The following CORO2B variants were observed in gnomAD, a reference collection of about 807,000 sequenced individuals.
CORO2B encodes the protein coronin 2B.
CORO2B carries 26 observed loss-of-function variants against 58.8 expected under a neutral mutation model. That is an observed-to-expected ratio of 0.44 (90% confidence interval 0.32 to 0.61). The LOEUF (loss-of-function observed/expected upper bound fraction) is 0.61. Ranked by LOEUF, CORO2B falls within the 20% of genes least tolerant of loss-of-function variation. The pLI, the probability that CORO2B is intolerant of heterozygous loss-of-function variation, is 0.04. For missense variants in CORO2B, 460 were observed against 645.1 expected, an observed-to-expected ratio of 0.71 and a Z score of 3.11; for synonymous variants, 242 against 253.8, an observed-to-expected ratio of 0.95 and a Z score of 0.44.
the CORO2B span, among the ~76,000 whole-genome samples, chr15:68,552,103 A>C: frequency 1.3e-5 from 2 of 152,176 alleles, no homozygotes; most frequent in African/African-American, 4.8e-5. Context: ...AGGACCAAGG[A>C]GGGGAAGCTG....
chr15:68,614,012 A>G (rs1038863197), intron 1 of CORO2B, among the ~76,000 whole-genome samples: 1 of 152,180 alleles, frequency 6.6e-6, no homozygotes, highest in Non-Finnish European at 1.5e-5. Flanking sequence ...TAATTTTTCA[A>G]TCATCACCGT....
intron 1 of CORO2B, among the ~76,000 whole-genome samples, chr15:68,608,528 G>A (rs118088130): frequency 2.1e-4 from 32 of 152,332 alleles, no homozygotes; most frequent in East Asian, 7.7e-4. Flanking sequence ...GTGTGCACGC[G>A]TGCGTGTGTG....
At chr15:68,538,043 C>A in the CORO2B span, among the ~76,000 whole-genome samples, 2 of 152,194 alleles carry the variant, frequency 1.3e-5, no homozygotes, top group African/African-American at 4.8e-5. Flanking sequence ...ATCCAAGTAG[C>A]AAAGTCACAC....
rs1247502289 is a variant in CORO2B, at chr15:68,579,036, T to C, written c.-227T>C. ...TGCGGCGAAGGAGGCTCATCTATTA[T>C]AAATGCACATTCGGGGCTGACATCA... is the stretch of plus-strand genomic sequence containing the variant. On this transcript the variant is annotated 5_prime_UTR_variant, in exon 1 of 12. Transcript: ENST00000261861. 1 of 984,360 alleles carries C rather than the reference T, an allele frequency of 1.0e-6. No individual in the cohort carries two copies. Among genetic ancestry groups the C allele is most frequent in the African/African-American group, 1.8e-5 (1 of 57,050 alleles). 61.0% of individuals were successfully genotyped at this position (984,360 alleles called of 1,614,324 possible). A position where few individuals can be genotyped will look rare whatever the true frequency, so the allele number is the denominator to read the frequency against.
chr15:68,599,795 C>T (rs1899935664), intron 1 of CORO2B, among the ~76,000 whole-genome samples: 1 of 152,226 alleles, frequency 6.6e-6, no homozygotes, highest in Admixed American at 6.5e-5. Flanking sequence ...ATCCGGGTCT[C>T]ATTATGCTGT....
chr15:68,623,517 A>G (rs1161264036), intron 1 of CORO2B, among the ~76,000 whole-genome samples: 1 of 137,528 alleles, frequency 7.3e-6, no homozygotes, highest in Non-Finnish European at 1.6e-5. Flanking sequence ...CCAAAGAGCC[A>G]GAAGTGAGTG....
chr15:68,687,033 A>G (rs1903006627), intron 2 of CORO2B, among the ~76,000 whole-genome samples: 1 of 152,224 alleles, frequency 6.6e-6, no homozygotes, highest in African/African-American at 2.4e-5. Context: ...GCCATCTCAC[A>G]TCTTTCTCAT....
In CORO2B at chr15:68,723,063, G is replaced by A. The variant is rs181116791; in HGVS notation, c.1312-2780G>A. On this transcript the variant is annotated intron_variant, in intron 11 of 11. Coordinates refer to ENST00000261861, the MANE Select transcript of CORO2B (RefSeq NM_006091.5). ...GCCTGGGCAACAAGAGTGAAACTCC[G>A]TCTCAAAAAAACAAAAACAAAAGGA... Among the ~76,000 whole-genome samples, 303 of 147,994 alleles carry A rather than the reference G, an allele frequency of 2.0e-3. 1 individual carries two copies. Among genetic ancestry groups the A allele is most frequent in the South Asian group, 0.011 (52 of 4,556 alleles).
upstream of CORO2B, among the ~76,000 whole-genome samples, chr15:68,575,851 G>A (rs1048682500): frequency 2.6e-5 from 4 of 151,058 alleles, no homozygotes; most frequent in African/African-American, 9.7e-5. Flanking sequence ...GTTAACAATC[G>A]CACATATAAA....
intron 2 of CORO2B, among the ~76,000 whole-genome samples, chr15:68,688,276 G>A (rs1463074191): frequency 6.6e-6 from 1 of 152,122 alleles, no homozygotes; most frequent in Non-Finnish European, 1.5e-5. Flanking sequence ...CTATTCAGAT[G>A]TTGTCACTAT....
the CORO2B span, among the ~76,000 whole-genome samples, chr15:68,551,291 C>T: frequency 6.6e-6 from 1 of 152,180 alleles, no homozygotes; most frequent in East Asian, 1.9e-4. Context: ...TACCTCACCC[C>T]TAACTCTCAA....
intron 1 of CORO2B, among the ~76,000 whole-genome samples, chr15:68,600,570 A>G (rs1183218701): frequency 6.6e-6 from 1 of 152,070 alleles, no homozygotes; most frequent in Non-Finnish European, 1.5e-5. Context: ...CCACCCCCGG[A>G]CCCAGGCTGG....
chr15:68,589,081 A>T (rs1265868970), intron 1 of CORO2B, among the ~76,000 whole-genome samples: 3 of 152,202 alleles, frequency 2.0e-5, no homozygotes, highest in African/African-American at 7.2e-5. Context: ...AACTCAAGTT[A>T]TTATGGATTG....
chr15:68,626,836 G>A (rs911233415), intron 1 of CORO2B, among the ~76,000 whole-genome samples: 1 of 152,186 alleles, frequency 6.6e-6, no homozygotes, highest in African/African-American at 2.4e-5. Flanking sequence ...CTGGTCAGAG[G>A]CTGGGGCCCC....
In CORO2B at chr15:68,645,877, G is replaced by A. The variant is rs1001532915; in HGVS notation, c.216+517G>A. On this transcript the variant is annotated intron_variant, in intron 2 of 11. Coordinates refer to ENST00000261861, the MANE Select transcript of CORO2B (RefSeq NM_006091.5). The surrounding 1 kb of genome is among the most constrained non-coding windows in gnomAD (Gnocchi z 4.5). ...CAACCTCTGCCTCCCAGGTTCAAGC[G>A]ATTCTCCTGCCTCAGCCTCCCGAGA... Among the ~76,000 whole-genome samples the A allele has an allele frequency of 2.0e-5, 3 of 151,978 alleles. No individual in the cohort carries two copies. In the East Asian group the frequency reaches 5.8e-4, roughly 29 times the overall value.
At chr15:68,725,142 G>A (rs983562417) in intron 11 of CORO2B, among the ~76,000 whole-genome samples, 7 of 152,166 alleles carry the variant, frequency 4.6e-5, no homozygotes, top group Non-Finnish European at 8.8e-5. Flanking sequence ...GCTGAGGTGG[G>A]TGGATCTCTT....
chr15:68,601,694 G>A (rs972873090), intron 1 of CORO2B, among the ~76,000 whole-genome samples: 8 of 152,216 alleles, frequency 5.3e-5, no homozygotes, highest in African/African-American at 1.4e-4. Flanking sequence ...CTGTGTGTGC[G>A]AAGGCCGGAG....
the CORO2B span, among the ~76,000 whole-genome samples, chr15:68,534,340 C>G: frequency 1.3e-5 from 2 of 151,662 alleles, no homozygotes; most frequent in African/African-American, 4.9e-5. Flanking sequence ...GCAGTCCTCT[C>G]CTAGCTGCAC....
At chr15:68,519,887 CT>C in the CORO2B span, among the ~76,000 whole-genome samples, 4 of 152,176 alleles carry the variant, frequency 2.6e-5, no homozygotes, top group African/African-American at 9.7e-5. Flanking sequence ...TGATTTCAGC[CT>C]TTCACTTTTT....
Sources: gnomAD v4.1 joint callset for allele counts (sites outside exome capture counted in the v4.1 genomes callset) on GRCh38, gnomAD v4.1.1 for gene constraint, Gnocchi (gnomAD v3.1) non-coding constraint, MANE v1.5 for transcripts, NCBI Gene and HGNC (gene_info 2026-07-23, HGNC 2026-07-21) for gene names.